The following KRT23 variants were observed in gnomAD, a reference collection of about 807,000 sequenced individuals.
KRT23 encodes the protein keratin, type I cytoskeletal 23.
A neutral mutation model predicts 47.6 loss-of-function variants in KRT23; 38 were observed. That is an observed-to-expected ratio of 0.80 (90% CI 0.62 to 1.05). The LOEUF is 1.05. Ranked by LOEUF, KRT23 falls within the 50% of genes least tolerant of loss-of-function variation. The probability of loss-of-function intolerance (pLI) is 0.00; values close to 1 mark genes in which losing one functional copy is unlikely to be tolerated. For missense variants in KRT23, 503 were observed against 529.5 expected, an observed-to-expected ratio of 0.95 and a Z score of 0.49; for synonymous variants, 191 against 199.0, an observed-to-expected ratio of 0.96 and a Z score of 0.34.
chr17:40,926,998 C>T lies in KRT23; in HGVS notation c.921+1240G>A, dbSNP rs138938625. On this transcript the variant is annotated intron_variant, in intron 6 of 8. Transcript: ENST00000209718. ...CTCATCAGACACACTTGTGCCTTGTCGCTTTTGCACTTGCTGTTCCCTCCT... is the reference window on the plus strand; with the variant it reads ...CTCATCAGACACACTTGTGCCTTGTTGCTTTTGCACTTGCTGTTCCCTCCT... Among the ~76,000 whole-genome samples, 215 of 152,210 alleles carry T rather than the reference C, an allele frequency of 1.4e-3. 1 individual carries two copies. In the Middle Eastern group the frequency reaches 0.017, roughly 12 times the overall value.
At chr17:40,926,336 C>T (rs1034375430) in intron 6 of KRT23, among the ~76,000 whole-genome samples, 25 of 152,122 alleles carry the variant, frequency 1.6e-4, no homozygotes, top group Admixed American at 1.1e-3. Context: ...TTCAGGGGGC[C>T]GTTCATGCTG....
intron 2 of KRT23, among the ~76,000 whole-genome samples, chr17:40,935,723 C>T (rs1910015929): frequency 6.6e-6 from 1 of 152,084 alleles, no homozygotes; most frequent in Non-Finnish European, 1.5e-5. Flanking sequence ...AGCCTTTTGT[C>T]GATGGATAAC....
chr17:40,927,240 T>C (rs1394589452), intron 6 of KRT23, among the ~76,000 whole-genome samples: 2 of 152,188 alleles, frequency 1.3e-5, no homozygotes, highest in Non-Finnish European at 2.9e-5. Context: ...CCTACTAGAA[T>C]ATAAACTCCT....
rs765413526 is a variant in KRT23 at position 40,936,625 on chromosome 17, G to A, written c.-22C>T. On this transcript the variant is annotated 5_prime_UTR_variant, in exon 2 of 9. Transcript: ENST00000209718. The stretch of plus-strand genomic sequence containing the variant: ...TCATGGTCCCATCTGTGTTTGGGAC[G>A]GGGCTGAGCTCTGCTCCACTCCCTG... The A allele has an allele frequency of 2.1e-5, 32 of 1,504,534 alleles. No individual in the cohort carries two copies. The African/African-American group carries it at 3.6e-4, about 17-fold the overall frequency. 93.2% of individuals were successfully genotyped at this position (1,504,534 alleles called of 1,614,324 possible). A position where few individuals can be genotyped will look rare whatever the true frequency, so the allele number is the denominator to read the frequency against.
chr17:40,930,453 C>T (rs759637986), intron 3 of KRT23, among the ~76,000 whole-genome samples: 22 of 152,284 alleles, frequency 1.4e-4, no homozygotes, highest in Non-Finnish European at 2.6e-4. Flanking sequence ...CAGGATGCAT[C>T]TTTTAAGAAA....
intron 8 of KRT23, 24 bp downstream of exon 8, chr17:40,924,448 C>A: frequency 6.3e-7 from 1 of 1,597,414 alleles, no homozygotes; most frequent in Middle Eastern, 1.7e-4. Context: ...AACAGAGATT[C>A]AAACAATGAA....
intron 6 of KRT23, among the ~76,000 whole-genome samples, chr17:40,925,884 C>T (rs567695604): frequency 2.6e-5 from 4 of 152,270 alleles, no homozygotes; most frequent in African/African-American, 4.8e-5. Flanking sequence ...TTTGTATCTT[C>T]GGAGAAGGGT....
intron 8 of KRT23, among the ~76,000 whole-genome samples, chr17:40,923,293 G>C (rs900248322): frequency 3.3e-5 from 5 of 152,226 alleles, no homozygotes; most frequent in Non-Finnish European, 7.3e-5. Context: ...TCTCTGAACA[G>C]TGTCACCTTC....
chr17:40,930,728 C>T (rs2143485369), intron 3 of KRT23, among the ~76,000 whole-genome samples: 1 of 151,978 alleles, frequency 6.6e-6, no homozygotes, highest in Admixed American at 6.6e-5. Flanking sequence ...CACGCCACTA[C>T]ACTACAGCCT....
chr17:40,928,157 G>A, intron 6 of KRT23, 81 bp downstream of exon 6: 3 of 1,567,614 alleles, frequency 1.9e-6, no homozygotes, highest in Non-Finnish European at 2.6e-6. Flanking sequence ...GGAGTTGAGG[G>A]TCAGGGCCTG....
At position 40,936,655 on chromosome 17, in the gene KRT23, C is replaced by G. The variant is rs770663015; in HGVS notation, c.-52G>C. On this transcript the variant is annotated 5_prime_UTR_variant, in exon 2 of 9. Coordinates refer to ENST00000209718, the MANE Select transcript of KRT23 (RefSeq NM_015515.5). ...TGAGCTCTGCTCCACTCCCTGGCAC[C>G]GCAGAACTGAGCCGCCCCAGACTGC... 309 of 1,466,730 alleles carry G rather than the reference C, an allele frequency of 2.1e-4. No individual in the cohort carries two copies. The highest frequency in any genetic ancestry group is 2.6e-4 in the Non-Finnish European group (289 of 1,109,874). 90.9% of individuals were successfully genotyped at this position (1,466,730 alleles called of 1,614,324 possible).
chr17:40,925,686 C>T, intron 6 of KRT23, 112 bp from the exon 7 acceptor site: 2 of 753,712 alleles, frequency 2.7e-6, no homozygotes, highest in Non-Finnish European at 4.5e-6. Context: ...GTCTTGGTAG[C>T]TGCTGAGGAC....
Position 40,936,280 on chromosome 17 carries a change from G to T in KRT23, c.324C>A (p.His108Gln). The T allele has an allele frequency of 6.2e-7, 1 of 1,614,192 alleles. No homozygotes were observed. The highest frequency in any genetic ancestry group is 8.5e-7 in the Non-Finnish European group (1 of 1,180,028). The part of the protein sequence containing the change: ...MKLESRILKW[H>Q]QQRDPGSKKD... ...TCTTACTGCCAGGATCTCTCTGCTG[G>T]TGCCATTTCAGGATGCGGCTTTCCA... Residue 108 changes from histidine to glutamine, a missense_variant, in exon 2 of 9, where the codon CAC (histidine) becomes CAA (glutamine). By Grantham distance (24) the His-to-Gln change is conservative (BLOSUM62 0). Coordinates refer to ENST00000209718, the MANE Select transcript of KRT23 (RefSeq NM_015515.5).
At chr17:40,935,347 A>G (rs1461557133) in intron 2 of KRT23, among the ~76,000 whole-genome samples, 1 of 152,042 alleles carries the variant, frequency 6.6e-6, no homozygotes, top group Admixed American at 6.6e-5. Flanking sequence ...CTTACAGGGA[A>G]TTTTCTGGGA....
At chr17:40,932,730 A>G (rs986499650) in intron 2 of KRT23, among the ~76,000 whole-genome samples, 1 of 152,226 alleles carries the variant, frequency 6.6e-6, no homozygotes, top group Non-Finnish European at 1.5e-5. Context: ...TCTTAGGACA[A>G]AGCTATACTT....
intron 8 of KRT23, among the ~76,000 whole-genome samples, chr17:40,924,067 A>G (rs77280105): frequency 1.3e-5 from 2 of 152,226 alleles, no homozygotes; most frequent in African/African-American, 4.8e-5. Context: ...CATGGCACAC[A>G]GTATTTCTAA....
At chr17:40,926,147 T>G (rs1004975291) in intron 6 of KRT23, among the ~76,000 whole-genome samples, 1 of 152,128 alleles carries the variant, frequency 6.6e-6, no homozygotes, top group Admixed American at 6.5e-5. Flanking sequence ...AAAAATGTCA[T>G]TTTTTGAGGA....
intron 2 of KRT23, among the ~76,000 whole-genome samples, chr17:40,932,937 T>C (rs1383977293): frequency 6.6e-6 from 1 of 152,188 alleles, no homozygotes; most frequent in Non-Finnish European, 1.5e-5. Flanking sequence ...TGGCTGAGTC[T>C]CAGTTTATTC....
chr17:40,930,057 A>C lies in KRT23; in HGVS notation c.519T>G (p.Ile173Met), dbSNP rs750784935. 18 of 1,614,116 alleles carry C rather than the reference A, an allele frequency of 1.1e-5. No homozygotes were observed. The highest frequency in any genetic ancestry group is 1.7e-5 in the Admixed American group (1 of 60,022). Residue 173 changes from isoleucine to methionine, a missense_variant, in exon 4 of 9, where the codon ATT becomes ATG. Physicochemically the swap from Ile to Met is conservative, Grantham distance 10. Coordinates refer to ENST00000209718, the MANE Select transcript of KRT23 (RefSeq NM_015515.5). Reference protein sequence around the residue: ...NEHSFKKDLEIEVEGLRRTLD... With the variant: ...NEHSFKKDLEMEVEGLRRTLD... ...AGGTCCTTCGGAGGCCCTCGACTTC[A>C]ATTTCCAAGTCTTTCTTAAAGGAGT...
Sources: gnomAD v4.1 joint callset for allele counts (sites outside exome capture counted in the v4.1 genomes callset) on GRCh38, gnomAD v4.1.1 for gene constraint, MANE v1.5 for transcripts, NCBI Gene and HGNC (gene_info 2026-07-23, HGNC 2026-07-21) for gene names.